The following BMERB1 variants were observed in gnomAD, a reference collection of about 807,000 sequenced individuals.
BMERB1 encodes the protein bMERB domain containing 1.
Under a neutral mutation model 23.6 loss-of-function variants are expected in BMERB1, and 12 were observed. The ratio of observed to expected loss-of-function variants is 0.51; its 90% CI spans 0.33 to 0.82. The LOEUF is 0.82. BMERB1 is among the 40% of genes least tolerant of loss of function. BMERB1 has a pLI of 0.03. For missense variants in BMERB1, 247 were observed against 255.4 expected (o/e 0.97, Z 0.22); for synonymous variants, 122 against 96.6 (o/e 1.26, Z -1.54).
At chr16:15,512,790 A>C (rs1476554047) in intron 1 of BMERB1, among the ~76,000 whole-genome samples, 1 of 151,958 alleles carries the variant, frequency 6.6e-6, no homozygotes, top group African/African-American at 2.4e-5. Context: ...GAGGCAGGAG[A>C]ACTGCTTGAA....
At chr16:15,568,204 G>C in intron 3 of BMERB1, 148 bp downstream of exon 3, 1 of 646,210 alleles carries the variant, frequency 1.5e-6, no homozygotes, top group Non-Finnish European at 2.7e-6. Context: ...CTTCGAGTCA[G>C]GAAGACCTGG....
At chr16:15,498,040 T>G (rs2051491534) in intron 1 of BMERB1, among the ~76,000 whole-genome samples, 1 of 152,164 alleles carries the variant, frequency 6.6e-6, no homozygotes, top group African/African-American at 2.4e-5. Flanking sequence ...TTGAGATAGA[T>G]GTTATCATTA....
chr16:15,560,951 G>GTTT (rs2030400036), intron 2 of BMERB1, among the ~76,000 whole-genome samples: 1 of 131,756 alleles, frequency 7.6e-6, no homozygotes, highest in Non-Finnish European at 1.6e-5. Context: ...TTTCTCTGCT[G>GTTT]CTTTTTTTTT....
At position 15,503,394 on chromosome 16, in the gene BMERB1, G is replaced by A. The variant is rs1598476609; in HGVS notation, c.107-11911G>A. 2.0e-5 allele frequency among the ~76,000 whole-genome samples: 3 copies of A among 151,158 alleles called. No homozygotes were observed. In the Middle Eastern group the frequency reaches 0.01, roughly 514 times the overall value. On this transcript the variant is annotated intron_variant, in intron 1 of 5. Coordinates refer to ENST00000300006, the MANE Select transcript of BMERB1 (RefSeq NM_033201.3). ...CCTCCCGGGTTCACGCCATTCTTCT[G>A]CCTCAGCCTCCTGAGTAGCTGGGAC...
chr16:15,520,477 CTTTTT>C (rs147757819), intron 2 of BMERB1, among the ~76,000 whole-genome samples: 3 of 109,354 alleles, frequency 2.7e-5, no homozygotes, highest in Non-Finnish European at 3.6e-5. Context: ...CATAGATGTT[CTTTTT>C]TTTTTTTTTT....
intron 3 of BMERB1, among the ~76,000 whole-genome samples, chr16:15,572,237 T>A (rs998861319): frequency 6.8e-6 from 1 of 148,038 alleles, no homozygotes; most frequent in African/African-American, 2.7e-5. Context: ...CCAATAATAC[T>A]ACCCCCCGCA....
intron 1 of BMERB1, among the ~76,000 whole-genome samples, chr16:15,508,416 A>C (rs368059933): frequency 3.2e-4 from 45 of 142,246 alleles, no homozygotes; most frequent in African/African-American, 1.1e-3. Context: ...AGCAGCCATA[A>C]ATGACATGTA....
intron 1 of BMERB1, among the ~76,000 whole-genome samples, chr16:15,474,781 G>A (rs568809839): frequency 4.0e-5 from 6 of 151,614 alleles, no homozygotes; most frequent in African/African-American, 1.2e-4. Flanking sequence ...CTCTGCCTCC[G>A]GTGTTCAAGC....
At chr16:15,518,734 G>C (rs781512340) in intron 2 of BMERB1, among the ~76,000 whole-genome samples, 14 of 151,652 alleles carry the variant, frequency 9.2e-5, no homozygotes, top group Non-Finnish European at 1.3e-4. Context: ...CTAATAAGTA[G>C]CCAAGCTAGG....
chr16:15,479,251 T>C (rs2150934578), intron 1 of BMERB1, among the ~76,000 whole-genome samples: 1 of 152,360 alleles, frequency 6.6e-6, no homozygotes, highest in South Asian at 2.1e-4. Context: ...TTGGTCGTAA[T>C]GTTAATGAAT....
chr16:15,566,346 G>A (rs143014263), intron 2 of BMERB1, among the ~76,000 whole-genome samples: 8 of 152,276 alleles, frequency 5.3e-5, no homozygotes, highest in East Asian at 1.9e-4. Context: ...TGATCTCTCC[G>A]GAGGGCAATT....
chr16:15,520,663 T>A (rs953772303), intron 2 of BMERB1, among the ~76,000 whole-genome samples: 1 of 151,856 alleles, frequency 6.6e-6, no homozygotes, highest in Non-Finnish European at 1.5e-5. Context: ...TTTTTTTGTA[T>A]TTTTTAGTAG....
At position 15,541,417 on chromosome 16, in the gene BMERB1, C is replaced by T. The variant is rs899773126; in HGVS notation, c.230+25989C>T. Reference sequence around the variant, plus strand: ...GCGAGTGGGACTGGAAGTTGCCCGCCGAATTGTTTTTTTTTTTTTTTTTTT... The same window carrying T: ...GCGAGTGGGACTGGAAGTTGCCCGCTGAATTGTTTTTTTTTTTTTTTTTTT... On this transcript the variant is annotated intron_variant, in intron 2 of 5. Transcript: ENST00000300006. Among the ~76,000 whole-genome samples the T allele has an allele frequency of 4.1e-5, 6 of 144,610 alleles. No homozygotes were observed. In the South Asian group the frequency reaches 8.8e-4, roughly 21 times the overall value. 94.9% of individuals were successfully genotyped at this position (144,610 alleles called of 152,430 possible). A position where few individuals can be genotyped will look rare whatever the true frequency, so the allele number is the denominator to read the frequency against.
At chr16:15,529,199 G>A (rs1194928391) in intron 2 of BMERB1, among the ~76,000 whole-genome samples, 1 of 152,030 alleles carries the variant, frequency 6.6e-6, no homozygotes, top group Non-Finnish European at 1.5e-5. Context: ...TAACTTTTTT[G>A]TATTTATTGG....
At chr16:15,535,523 C>T (rs1243820602) in intron 2 of BMERB1, among the ~76,000 whole-genome samples, 1 of 151,684 alleles carries the variant, frequency 6.6e-6, no homozygotes, top group Non-Finnish European at 1.5e-5. Flanking sequence ...AGTGGTGTGT[C>T]CCTGTAGACC....
At chr16:15,552,384 G>A (rs2030117420) in intron 2 of BMERB1, among the ~76,000 whole-genome samples, 1 of 151,972 alleles carries the variant, frequency 6.6e-6, no homozygotes, top group Admixed American at 6.6e-5. Context: ...AGGTTGCAGT[G>A]AGCTGAGATT....
At chr16:15,584,341 C>T (rs953081978) in intron 5 of BMERB1, among the ~76,000 whole-genome samples, 2 of 152,018 alleles carry the variant, frequency 1.3e-5, no homozygotes, top group African/African-American at 2.4e-5. Context: ...GGGCGGATCA[C>T]AGGTCAGGAG....
intron 1 of BMERB1, among the ~76,000 whole-genome samples, chr16:15,457,027 T>C (rs2051092895): frequency 6.6e-6 from 1 of 152,080 alleles, no homozygotes; most frequent in African/African-American, 2.4e-5. Context: ...GGTTTCACCA[T>C]GTTGGCCAGG....
At chr16:15,511,568 A>C (rs1485101280) in intron 1 of BMERB1, among the ~76,000 whole-genome samples, 2 of 152,160 alleles carry the variant, frequency 1.3e-5, no homozygotes, top group South Asian at 4.1e-4. Flanking sequence ...CTCCCTGAAA[A>C]TATAAAAGAA....
Sources: allele counts gnomAD v4.1 joint callset (sites outside exome capture counted in the v4.1 genomes callset), GRCh38; gene constraint gnomAD v4.1.1; transcripts MANE v1.5; gene names NCBI Gene and HGNC (gene_info 2026-07-23, HGNC 2026-07-21).